The following DCLK2 variants were observed in gnomAD, a reference collection of about 807,000 sequenced individuals.
DCLK2 encodes doublecortin like kinase 2, also known as serine/threonine-protein kinase DCLK2.
In DCLK2, 31 loss-of-function variants were observed where a neutral mutation model predicts 78.4. The ratio of observed to expected loss-of-function variants is 0.40; its 90% CI spans 0.30 to 0.53. The LOEUF is 0.53. Ranked by LOEUF, DCLK2 falls within the 20% of genes least tolerant of loss-of-function variation. DCLK2 has a pLI of 0.61. For synonymous variants in DCLK2, 407 were observed against 374.9 expected (o/e 1.09, Z -0.99); for missense variants, 872 against 973.7 (o/e 0.90, Z 1.39).
rs748518798 is a variant in DCLK2 at position 150,203,803 on chromosome 4, A to G, written c.970A>G (p.Thr324Ala). The G allele has an allele frequency of 3.7e-6, 6 of 1,613,398 alleles. No individual in the cohort carries two copies. The highest frequency in any genetic ancestry group is 1.7e-4 in the Middle Eastern group (1 of 6,058). Residue 324 changes from threonine to alanine, a missense_variant, in exon 5 of 16, where the codon ACT becomes GCT. By Grantham distance (58) the Thr-to-Ala change is moderately conservative (BLOSUM62 0). Around this residue, in one of 3 missense-constraint regions of DCLK2, gnomAD observed 567 missense variants for 593.4 expected, o/e 0.96. Coordinates refer to ENST00000296550, the MANE Select transcript of DCLK2 (RefSeq NM_001040260.4). Reference protein sequence around the residue: ...RSKSPASVNGTPSSQLSTPKS... With the variant: ...RSKSPASVNGAPSSQLSTPKS... ...TGTTGTCTCATGGGCAGTTAATGGA[A>G]CTCCCAGCAGCCAACTTTCTACTCC...
Position 150,102,563 on chromosome 4 carries a change from C to T in DCLK2, c.507C>T (p.Ile169=), listed in dbSNP as rs1329111901. The T allele has an allele frequency of 6.2e-7, 1 of 1,614,164 alleles. No individual in the cohort carries two copies. The highest frequency in any genetic ancestry group is 2.2e-5 in the East Asian group (1 of 44,876). Residue 169 remains isoleucine, a synonymous_variant, in exon 2 of 16, where the codon ATC becomes ATT. Transcript: ENST00000296550. ...KNINPNWSVN[I]KGGTSRALAA... is the part of the protein sequence containing the mutation. Reference sequence around the variant, plus strand: ...TTAATCCAAACTGGTCTGTGAACATCAAGGGTGGGACATCCCGAGCGCTGG... The same window carrying T: ...TTAATCCAAACTGGTCTGTGAACATTAAGGGTGGGACATCCCGAGCGCTGG...
chr4:150,235,189 A>G (rs1283938365), intron 10 of DCLK2, among the ~76,000 whole-genome samples: 1 of 152,154 alleles, frequency 6.6e-6, no homozygotes, highest in Non-Finnish European at 1.5e-5. Context: ...GAGCTTCCCT[A>G]TAAACCAGGG....
At chr4:150,127,435 G>A (rs1732998859) in intron 2 of DCLK2, among the ~76,000 whole-genome samples, 2 of 152,262 alleles carry the variant, frequency 1.3e-5, no homozygotes, top group South Asian at 4.1e-4. Flanking sequence ...TGTCAGTATG[G>A]ATGAAAGAAT....
chr4:150,202,054 G>C (rs563825420), intron 4 of DCLK2, among the ~76,000 whole-genome samples: 1 of 152,042 alleles, frequency 6.6e-6, no homozygotes, highest in Non-Finnish European at 1.5e-5. Flanking sequence ...GTTACAATTA[G>C]CCTGCACCTA....
intron 14 of DCLK2, among the ~76,000 whole-genome samples, 180 bp downstream of exon 14, chr4:150,248,565 G>T (rs1292866573): frequency 6.6e-6 from 1 of 152,148 alleles, no homozygotes; most frequent in African/African-American, 2.4e-5. Flanking sequence ...TGGCACTAGG[G>T]TCCCAGTCTT....
At chr4:150,160,614 TC>T (rs1735635778) in intron 2 of DCLK2, among the ~76,000 whole-genome samples, 1 of 152,240 alleles carries the variant, frequency 6.6e-6, no homozygotes, top group Admixed American at 6.5e-5. Flanking sequence ...TTGTTTTGTT[TC>T]ACAGTAAATT....
intron 15 of DCLK2, among the ~76,000 whole-genome samples, chr4:150,253,097 GTCC>G (rs946173959): frequency 2.7e-5 from 4 of 146,780 alleles, no homozygotes; most frequent in African/African-American, 1.1e-4. Flanking sequence ...CATCCTCCTC[GTCC>G]TCCTCATCCT....
chr4:150,209,188 A>G (rs1409163004), intron 5 of DCLK2, among the ~76,000 whole-genome samples: 1 of 152,238 alleles, frequency 6.6e-6, no homozygotes, highest in African/African-American at 2.4e-5. Context: ...CCTCTTCCCC[A>G]GAACCTAGCT....
chr4:150,232,912 C>G, intron 10 of DCLK2, 84 bp downstream of exon 10: 3 of 1,486,486 alleles, frequency 2.0e-6, no homozygotes, highest in Admixed American at 4.1e-5. Flanking sequence ...ATTTTATAGT[C>G]TATACCAATC....
intron 5 of DCLK2, chr4:150,209,890 A>T (rs1473472448): frequency 6.6e-6 from 1 of 152,124 alleles, no homozygotes; most frequent in Non-Finnish European, 1.5e-5. Flanking sequence ...CCTGGCCAAC[A>T]ATGGTGAAAC....
rs1733713997 is a variant in DCLK2, at chr4:150,136,752, C to T, written c.756+33940C>T. On this transcript the variant is annotated intron_variant, in intron 2 of 15. Coordinates refer to ENST00000296550, the MANE Select transcript of DCLK2 (RefSeq NM_001040260.4). ...CTAAGCTTCAAACCAAGTCTCCAAA[C>T]TTGGTTCAAACCAACTCTATACCTA... Among the ~76,000 whole-genome samples the T allele has an allele frequency of 2.0e-5, 3 of 152,142 alleles. No individual in the cohort carries two copies. In the South Asian group the frequency reaches 6.2e-4, roughly 32 times the overall value.
chr4:150,079,162 C>G lies in DCLK2; in HGVS notation c.135C>G (p.Ile45Met), dbSNP rs548654953. The G allele has an allele frequency of 3.7e-6, 6 of 1,606,760 alleles. No homozygotes were observed. The highest frequency in any genetic ancestry group is 5.1e-6 in the Non-Finnish European group (6 of 1,176,576). The change falls in exon 1 of 16, where the codon ATC becomes ATG. Residue 45 changes from isoleucine (I) to methionine (M), a missense_variant. Physicochemically the swap from Ile to Met is conservative, Grantham distance 10. Around this residue, in one of 3 missense-constraint regions of DCLK2, gnomAD observed 567 missense variants for 593.4 expected, o/e 0.96. Transcript: ENST00000296550. ...SSSGPKGNGL[I>M]PSPAHSAHCS... Reference sequence around the variant, plus strand: ...CGGGCCCCAAGGGGAACGGGCTCATCCCCAGTCCGGCGCACAGTGCCCACT... The same window carrying G: ...CGGGCCCCAAGGGGAACGGGCTCATGCCCAGTCCGGCGCACAGTGCCCACT...
intron 5 of DCLK2, among the ~76,000 whole-genome samples, chr4:150,213,999 A>G (rs1272948483): frequency 6.6e-6 from 1 of 152,230 alleles, no homozygotes; most frequent in African/African-American, 2.4e-5. Context: ...TCACAGGTCA[A>G]TGGAGATGAT....
chr4:150,248,002 G>A (rs1743463155), intron 13 of DCLK2, among the ~76,000 whole-genome samples: 1 of 152,210 alleles, frequency 6.6e-6, no homozygotes, highest in African/African-American at 2.4e-5. Flanking sequence ...GGATGAACTT[G>A]TGAAACACAC....
chr4:150,129,212 C>T (rs919664022), intron 2 of DCLK2, among the ~76,000 whole-genome samples: 1 of 152,054 alleles, frequency 6.6e-6, no homozygotes, highest in African/African-American at 2.4e-5. Context: ...TGAATACAAA[C>T]ATGCTTTTTG....
intron 2 of DCLK2, among the ~76,000 whole-genome samples, chr4:150,169,816 G>A (rs954864094): frequency 2.0e-5 from 3 of 152,208 alleles, no homozygotes; most frequent in African/African-American, 7.2e-5. Context: ...GGTGGCCTGT[G>A]ATTGACAGAC....
At chr4:150,113,180 G>A (rs558033793) in intron 2 of DCLK2, among the ~76,000 whole-genome samples, 53 of 152,176 alleles carry the variant, frequency 3.5e-4, no homozygotes, top group East Asian at 1.7e-3. Flanking sequence ...ATCTGTGTTC[G>A]TCAGGGATAT....
chr4:150,235,511 G>T (rs1415234997), intron 10 of DCLK2, among the ~76,000 whole-genome samples: 1 of 152,158 alleles, frequency 6.6e-6, no homozygotes, highest in South Asian at 2.1e-4. Context: ...ACCTACGGGA[G>T]CCCCCTTGTG....
intron 2 of DCLK2, among the ~76,000 whole-genome samples, chr4:150,173,018 T>G (rs1456035353): frequency 6.6e-6 from 1 of 152,172 alleles, no homozygotes; most frequent in Non-Finnish European, 1.5e-5. Flanking sequence ...GAATGCTAGG[T>G]CTCTTCTAGT....
Sources: allele counts gnomAD v4.1 joint callset (sites outside exome capture counted in the v4.1 genomes callset), GRCh38; gene constraint gnomAD v4.1.1; regional missense constraint gnomAD v4.1.1; transcripts MANE v1.5; gene names NCBI Gene and HGNC (gene_info 2026-07-23, HGNC 2026-07-21).